Variants in TMEM87B observed in about 807,000 individuals in gnomAD.
TMEM87B encodes transmembrane protein 87B.
A neutral mutation model predicts 80.3 loss-of-function variants in TMEM87B; 83 were observed. The ratio of observed to expected loss-of-function variants is 1.03; its 90% CI spans 0.87 to 1.24. The LOEUF is 1.24. Ranked by LOEUF, TMEM87B falls within the 50% of genes most tolerant of loss-of-function variation. TMEM87B has a pLI of 0.00. For synonymous variants in TMEM87B, 219 were observed against 230.5 expected (o/e 0.95, Z 0.45); for missense variants, 625 against 674.4 (o/e 0.93, Z 0.81).
intron 1 of TMEM87B, among the ~76,000 whole-genome samples, chr2:112,056,718 A>T (rs920134309): frequency 6.6e-6 from 1 of 152,250 alleles, no homozygotes; most frequent in Non-Finnish European, 1.5e-5. Flanking sequence ...AATACTTCCC[A>T]CAACACAAAA....
chr2:112,106,143 G>A (rs1342831685), intron 16 of TMEM87B, 68 bp downstream of exon 16: 13 of 985,700 alleles, frequency 1.3e-5, no homozygotes, highest in South Asian at 2.6e-5. Flanking sequence ...AGAGCTATAC[G>A]AGTGTCATAT....
intron 2 of TMEM87B, among the ~76,000 whole-genome samples, chr2:112,061,790 A>G (rs1678266801): frequency 1.3e-5 from 2 of 152,252 alleles, no homozygotes. Context: ...ATGGGACAGC[A>G]TGAGGGATTT....
intron 10 of TMEM87B, among the ~76,000 whole-genome samples, chr2:112,091,299 C>G (rs1679292654): frequency 6.6e-6 from 1 of 151,932 alleles, no homozygotes; most frequent in African/African-American, 2.4e-5. Flanking sequence ...TTAAAGGTGA[C>G]TAGTCAGAGT....
intron 6 of TMEM87B, among the ~76,000 whole-genome samples, chr2:112,079,192 G>A (rs1054786080): frequency 6.6e-6 from 1 of 152,054 alleles, no homozygotes; most frequent in East Asian, 1.9e-4. Context: ...ACCATGCTGT[G>A]CAATAGAACT....
At chr2:112,094,264 C>T (rs180712468) in intron 11 of TMEM87B, among the ~76,000 whole-genome samples, 2 of 151,546 alleles carry the variant, frequency 1.3e-5, no homozygotes, top group Admixed American at 6.6e-5. Context: ...CAGGTTCAAG[C>T]GATTCTCCTG....
At chr2:112,076,842 T>TTGTGTGTGTGTGTGTG (rs70962982) in intron 5 of TMEM87B, among the ~76,000 whole-genome samples, 77 of 139,262 alleles carry the variant, frequency 5.5e-4, no homozygotes, top group Non-Finnish European at 7.5e-4. Flanking sequence ...CTTTTCTGTT[T>TTGTGTGTGTGTGTGTG]TGTGTGTGTG....
In TMEM87B at chr2:112,082,086, A is replaced by G. The variant is rs115132860; in HGVS notation, c.838+568A>G. Among the ~76,000 whole-genome samples, 1,169 of 152,252 alleles carry G rather than the reference A, an allele frequency of 7.7e-3. 20 individuals carry two copies. Among genetic ancestry groups the G allele is most frequent in the African/African-American group, 0.027 (1,106 of 41,542 alleles). On this transcript the variant is annotated intron_variant, in intron 8 of 18. Transcript: ENST00000283206. ...AGGCCATACAGCTGGGCATCCTCAG[A>G]TGTGTGCCCCAGACTTCTAGAAAGT...
chr2:112,066,016 T>G (rs1227938145), intron 3 of TMEM87B, among the ~76,000 whole-genome samples: 2 of 152,254 alleles, frequency 1.3e-5, no homozygotes, highest in Non-Finnish European at 2.9e-5. Flanking sequence ...AGGACATATC[T>G]GCAAGATTTT....
chr2:112,071,096 T>G (rs1449595332), intron 4 of TMEM87B, among the ~76,000 whole-genome samples: 1 of 152,140 alleles, frequency 6.6e-6, no homozygotes, highest in Non-Finnish European at 1.5e-5. Flanking sequence ...AGTGCTGGGA[T>G]TACAGGCATG....
Position 112,098,790 on chromosome 2 carries a change from C to T in TMEM87B, c.1376+92C>T, listed in dbSNP as rs191560567. The T allele has an allele frequency of 1.1e-3, 1,360 of 1,272,744 alleles. 34 individuals are homozygous for T. In the Admixed American group the frequency reaches 0.025, roughly 23 times the overall value. The allele number at this position is 1,272,744 out of a possible 1,614,324, so 78.8% of individuals were successfully genotyped here. On this transcript the variant is annotated intron_variant, in intron 14 of 18. Transcript: ENST00000283206. ...CGTTTATAGAAACCAGGAGAATAGT[C>T]GTTGCTTTTAAGGAGTATACAGTCA...
At chr2:112,096,149 C>G (rs1300507497) in intron 11 of TMEM87B, among the ~76,000 whole-genome samples, 1 of 152,168 alleles carries the variant, frequency 6.6e-6, no homozygotes, top group Non-Finnish European at 1.5e-5. Flanking sequence ...CCTCTGAGTT[C>G]CCATTCCTTG....
At chr2:112,060,231 C>T (rs1301771034) in intron 2 of TMEM87B, among the ~76,000 whole-genome samples, 194 bp downstream of exon 2, 1 of 151,948 alleles carries the variant, frequency 6.6e-6, no homozygotes, top group Non-Finnish European at 1.5e-5. Flanking sequence ...CACCTGTAGT[C>T]CCAGCTACTT....
intron 4 of TMEM87B, among the ~76,000 whole-genome samples, chr2:112,073,368 G>C (rs1035300904): frequency 4.6e-5 from 7 of 152,134 alleles, no homozygotes; most frequent in African/African-American, 1.7e-4. Flanking sequence ...TCACCCAAAA[G>C]TCATTCAGGA....
At chr2:112,110,145 CTT>C (rs1558852949) in intron 17 of TMEM87B, among the ~76,000 whole-genome samples, 1 of 152,150 alleles carries the variant, frequency 6.6e-6, no homozygotes, top group Non-Finnish European at 1.5e-5. Context: ...TTCTGTCCAG[CTT>C]TACTTGCTCT....
intron 18 of TMEM87B, 23 bp from the exon 19 acceptor site, chr2:112,116,061 A>C (rs747035354): frequency 6.2e-7 from 1 of 1,605,478 alleles, no homozygotes; most frequent in Admixed American, 1.7e-5. Context: ...ATGTTGATAC[A>C]TATCTTCTTT....
intron 8 of TMEM87B, among the ~76,000 whole-genome samples, chr2:112,083,917 A>C (rs1679070536): frequency 6.6e-6 from 1 of 152,230 alleles, no homozygotes; most frequent in Non-Finnish European, 1.5e-5. Flanking sequence ...TCACTTGAAG[A>C]TATGTGATGA....
intron 15 of TMEM87B, among the ~76,000 whole-genome samples, chr2:112,101,161 CTAAT>C (rs1259816149): frequency 6.6e-6 from 1 of 152,078 alleles, no homozygotes; most frequent in Non-Finnish European, 1.5e-5. Flanking sequence ...TTATTGTAAT[CTAAT>C]TAAGCATCTG....
At chr2:112,077,487 T>G (rs998650976) in intron 6 of TMEM87B, among the ~76,000 whole-genome samples, 1 of 152,236 alleles carries the variant, frequency 6.6e-6, no homozygotes, top group Admixed American at 6.5e-5. Context: ...AAAATTTTAC[T>G]GTGTTAAGAT....
In TMEM87B at chr2:112,055,677, C is replaced by T. The variant is rs1678024275; in HGVS notation, c.86C>T (p.Ala29Val). ...FPARAPLLRV[A>V]LCLLCWTPAA... ...GCCCGGGCCCCGCTGCTGCGCGTCG[C>T]CCTCTGCCTCCTGTGCTGGACCCCG... The change falls in exon 1 of 19, where the codon GCC becomes GTC. Residue 29 changes from alanine (A) to valine (V), a missense_variant. By Grantham distance (64) the Ala-to-Val change is moderately conservative. Transcript: ENST00000283206. The T allele has an allele frequency of 1.3e-6, 2 of 1,586,002 alleles. No individual in the cohort carries two copies. The highest frequency in any genetic ancestry group is 1.4e-5 in the African/African-American group (1 of 71,368).
Sources: gnomAD v4.1 joint callset for allele counts (sites outside exome capture counted in the v4.1 genomes callset) on GRCh38, gnomAD v4.1.1 for gene constraint, MANE v1.5 for transcripts, NCBI Gene and HGNC (gene_info 2026-07-23, HGNC 2026-07-21) for gene names.